SPIDR: variants seen among roughly 807,000 people sequenced by gnomAD.
The protein encoded by SPIDR is scaffold protein involved in DNA repair, also known as DNA repair-scaffolding protein.
In SPIDR, 93 loss-of-function variants were observed where a neutral mutation model predicts 104.6. That is an observed-to-expected ratio of 0.89 (90% CI 0.75 to 1.06). SPIDR has a LOEUF of 1.06. Ranked by LOEUF, SPIDR falls within the 50% of genes least tolerant of loss-of-function variation. The probability of loss-of-function intolerance (pLI) is 0.00; values close to 1 mark genes in which losing one functional copy is unlikely to be tolerated. For missense variants in SPIDR, 1,154 were observed against 1,111.2 expected, an observed-to-expected ratio of 1.04 and a Z score of -0.55; for synonymous variants, 431 against 416.9, an observed-to-expected ratio of 1.03 and a Z score of -0.41.
intron 8 of SPIDR, among the ~76,000 whole-genome samples, chr8:47,554,918 A>C (rs2091134058): frequency 6.6e-6 from 1 of 152,224 alleles, no homozygotes; most frequent in South Asian, 2.1e-4. Flanking sequence ...TTGCACAGTT[A>C]AATTTTCAAA....
rs1298514405 is a variant in SPIDR, at chr8:47,535,251, CAGA to C, written c.1098-60557_1098-60555del. Reference sequence around the variant, plus strand: ...TGCAATCTCATCCAGAAAATAGAAGCAGAAGGAGTACTCTATAATCTTTCCCAG... The same window carrying C: ...TGCAATCTCATCCAGAAAATAGAAGCAGGAGTACTCTATAATCTTTCCCAG... On this transcript the variant is annotated intron_variant, in intron 8 of 19. Coordinates refer to ENST00000297423, the MANE Select transcript of SPIDR (RefSeq NM_001080394.4). Among the ~76,000 whole-genome samples the C allele has an allele frequency of 5.3e-5, 8 of 152,220 alleles. No individual in the cohort carries two copies. In the East Asian group the frequency reaches 9.7e-4, roughly 18 times the overall value.
chr8:47,344,926 C>T (rs1450971442), intron 5 of SPIDR, among the ~76,000 whole-genome samples: 3 of 152,164 alleles, frequency 2.0e-5, no homozygotes, highest in Non-Finnish European at 2.9e-5. Context: ...GTTGCCTGTT[C>T]ACTCTGATGG....
intron 10 of SPIDR, among the ~76,000 whole-genome samples, chr8:47,614,833 C>T (rs1409594469): frequency 6.6e-6 from 1 of 152,148 alleles, no homozygotes; most frequent in Non-Finnish European, 1.5e-5. Flanking sequence ...AACAGTGTTC[C>T]TATTTCTCCA....
At chr8:47,490,902 G>A (rs542351552) in intron 8 of SPIDR, among the ~76,000 whole-genome samples, 4 of 152,208 alleles carry the variant, frequency 2.6e-5, no homozygotes, top group Admixed American at 6.5e-5. Context: ...TGTAAATGAC[G>A]GTGAATGGGT....
rs60518877 is a variant in SPIDR, at chr8:47,493,042, AGTGTGTGTGTGTGTGTGTGTGT to A, written c.1097+52515_1097+52536del. 1.2e-3 allele frequency among the ~76,000 whole-genome samples: 169 copies of A among 140,618 alleles called. 1 individual carries two copies. The highest frequency in any genetic ancestry group is 4.3e-3 in the African/African-American group (164 of 38,342). The allele number at this position is 140,618 out of a possible 152,430, so 92.3% of individuals were successfully genotyped here. ...GAGAGAGAGAGAGAGAGAGAGAGTG[AGTGTGTGTGTGTGTGTGTGTGT>A]GTGTGTGTGTGTGTTTAAATAGAAC... On this transcript the variant is annotated intron_variant, in intron 8 of 19. Coordinates refer to ENST00000297423, the MANE Select transcript of SPIDR (RefSeq NM_001080394.4).
Position 47,735,723 on chromosome 8 carries a change from G to T in SPIDR, c.*273G>T. 8.1e-6 allele frequency: 6 copies of T among 741,922 alleles called. No homozygotes were observed. The highest frequency in any genetic ancestry group is 2.2e-5 in the South Asian group (1 of 46,194). 46.0% of individuals were successfully genotyped at this position (741,922 alleles called of 1,614,324 possible). On this transcript the variant is annotated 3_prime_UTR_variant, in exon 20 of 20. Coordinates refer to ENST00000297423, the MANE Select transcript of SPIDR (RefSeq NM_001080394.4). ...AATCTTAAGTTTAAGCTCTTCATTT[G>T]GTATTTAGGCAATATATGAGAAAAA...
chr8:47,470,446 G>A (rs567181483), intron 8 of SPIDR, among the ~76,000 whole-genome samples: 10 of 151,720 alleles, frequency 6.6e-5, no homozygotes, highest in Admixed American at 2.0e-4. Context: ...CCACCACCAC[G>A]CCCAGCTAAT....
chr8:47,494,840 G>A (rs1391209566), intron 8 of SPIDR, among the ~76,000 whole-genome samples: 1 of 152,178 alleles, frequency 6.6e-6, no homozygotes, highest in Non-Finnish European at 1.5e-5. Flanking sequence ...TCTTAGGAGT[G>A]AAGTGAGATA....
intron 4 of SPIDR, among the ~76,000 whole-genome samples, chr8:47,291,488 T>C (rs1467528191): frequency 1.3e-5 from 2 of 152,218 alleles, no homozygotes; most frequent in Non-Finnish European, 2.9e-5. Flanking sequence ...GCCCAGCAAC[T>C]GCACCTTTAG....
intron 14 of SPIDR, among the ~76,000 whole-genome samples, chr8:47,711,995 T>G (rs1213275877): frequency 6.6e-6 from 1 of 152,088 alleles, no homozygotes; most frequent in Admixed American, 6.6e-5. Flanking sequence ...CAGCTGAACC[T>G]CCAACTGGCC....
chr8:47,713,991 G>T (rs1281490772), intron 16 of SPIDR, among the ~76,000 whole-genome samples: 1 of 152,172 alleles, frequency 6.6e-6, no homozygotes, highest in African/African-American at 2.4e-5. Context: ...GATGGAGCAG[G>T]AGGAACATTC....
chr8:47,487,451 C>T (rs1036521904), intron 8 of SPIDR, among the ~76,000 whole-genome samples: 1 of 152,092 alleles, frequency 6.6e-6, no homozygotes, highest in South Asian at 2.1e-4. Flanking sequence ...ATCAACGAGA[C>T]AGAAAGTTAA....
chr8:47,675,316 G>T (rs903840772), intron 11 of SPIDR, among the ~76,000 whole-genome samples: 3 of 152,184 alleles, frequency 2.0e-5, no homozygotes, highest in African/African-American at 7.2e-5. Flanking sequence ...GATTACAGGC[G>T]TGAGCTACCA....
chr8:47,702,731 C>G (rs1296372440), intron 14 of SPIDR, among the ~76,000 whole-genome samples: 2 of 152,210 alleles, frequency 1.3e-5, no homozygotes, highest in Admixed American at 1.3e-4. Context: ...AACTCTTGTC[C>G]ACTCATGGGC....
chr8:47,370,346 TAAG>T (rs2057822942), intron 5 of SPIDR, among the ~76,000 whole-genome samples: 1 of 151,612 alleles, frequency 6.6e-6, no homozygotes, highest in African/African-American at 2.4e-5. Context: ...TCCCAACACA[TAAG>T]AAACAGTATA....
intron 1 of SPIDR, among the ~76,000 whole-genome samples, chr8:47,274,910 A>G (rs2036076227): frequency 6.6e-6 from 1 of 151,618 alleles, no homozygotes; most frequent in Non-Finnish European, 1.5e-5. Flanking sequence ...ATTACTAATC[A>G]TAAAAATAAT....
At chr8:47,547,838 G>A (rs1417203720) in intron 8 of SPIDR, 3 of 173,856 alleles carry the variant, frequency 1.7e-5, no homozygotes, top group Admixed American at 6.4e-5. Context: ...GGGGATGGAC[G>A]ATGAACAAAC....
intron 1 of SPIDR, among the ~76,000 whole-genome samples, chr8:47,270,783 A>G (rs1215868392): frequency 2.0e-5 from 3 of 152,022 alleles, no homozygotes; most frequent in Non-Finnish European, 4.4e-5. Context: ...TTTTAAAGTT[A>G]TCTTCTAATT....
chr8:47,661,101 G>A, intron 10 of SPIDR: 1 of 260,678 alleles, frequency 3.8e-6, no homozygotes, highest in Non-Finnish European at 6.0e-6. Context: ...TTATTGGGGT[G>A]TGTCTGTGGC....
Sources: allele counts gnomAD v4.1 joint callset (sites outside exome capture counted in the v4.1 genomes callset), GRCh38; gene constraint gnomAD v4.1.1; transcripts MANE v1.5; gene names NCBI Gene and HGNC (gene_info 2026-07-23, HGNC 2026-07-21).